The following IRAK3 variants were observed in gnomAD, a reference collection of about 807,000 sequenced individuals.
IRAK3 encodes the protein interleukin 1 receptor associated kinase 3.
In IRAK3, 57 loss-of-function variants were observed where a neutral mutation model predicts 56.6. That is an observed-to-expected ratio of 1.01 (90% CI 0.81 to 1.26). The LOEUF is 1.26. Ranked by LOEUF, IRAK3 falls within the 50% of genes most tolerant of loss-of-function variation. The pLI is 0.00. For missense variants in IRAK3, 703 were observed against 719.0 expected (o/e 0.98, Z 0.25); for synonymous variants, 258 against 255.7 (o/e 1.01, Z -0.09).
chr12:66,234,121 G>T, intron 8 of IRAK3: 1 of 1,614,106 alleles, frequency 6.2e-7, no homozygotes, highest in Non-Finnish European at 8.5e-7. Context: ...TAGACGTCTC[G>T]ACAGCCACCT....
chr12:66,195,281 G>C (rs1482010552), intron 1 of IRAK3, among the ~76,000 whole-genome samples: 1 of 152,118 alleles, frequency 6.6e-6, no homozygotes, highest in Non-Finnish European at 1.5e-5. Context: ...AACCATCTTG[G>C]CACCAACCAC....
intron 8 of IRAK3, among the ~76,000 whole-genome samples, chr12:66,235,456 C>T (rs533274653): frequency 1.4e-3 from 219 of 151,608 alleles, no homozygotes; most frequent in Admixed American, 6.2e-3. Flanking sequence ...CAGCTCCGCG[C>T]TGACTTCCCC....
intron 1 of IRAK3, among the ~76,000 whole-genome samples, chr12:66,201,914 A>G (rs1210892922): frequency 6.6e-6 from 1 of 152,196 alleles, no homozygotes; most frequent in African/African-American, 2.4e-5. Context: ...GAAGAAAAGA[A>G]TTAATCTAAG....
At chr12:66,221,359 A>G (rs1592590665) in intron 6 of IRAK3, among the ~76,000 whole-genome samples, 1 of 152,082 alleles carries the variant, frequency 6.6e-6, no homozygotes, top group East Asian at 1.9e-4. Context: ...TTTCTTTTTT[A>G]TTGCCTAATT....
At chr12:66,225,246 C>T (rs569969175) in intron 6 of IRAK3, among the ~76,000 whole-genome samples, 2 of 152,230 alleles carry the variant, frequency 1.3e-5, no homozygotes, top group African/African-American at 2.4e-5. Flanking sequence ...AATACACTAC[C>T]TCAATTTCCT....
intron 2 of IRAK3, among the ~76,000 whole-genome samples, chr12:66,204,778 G>GCGCGCGCGCACACACACA (rs1026097833): frequency 1.4e-5 from 2 of 147,922 alleles, no homozygotes; most frequent in Admixed American, 6.8e-5. Context: ...GAGCCCTTGC[G>GCGCGCGCGCACACACACA]CACACACACA....
intron 3 of IRAK3, 62 bp downstream of exon 3, chr12:66,209,582 G>A (rs1359853422): frequency 1.0e-5 from 11 of 1,050,902 alleles, no homozygotes; most frequent in Non-Finnish European, 1.6e-5. Flanking sequence ...TTGAGCATAA[G>A]GAATGAAATT....
At position 66,210,157 on chromosome 12, in the gene IRAK3, A is replaced by G. The variant is rs757713644; in HGVS notation, c.392A>G (p.Asn131Ser). The G allele has an allele frequency of 1.9e-5, 31 of 1,597,472 alleles. No homozygotes were observed. The highest frequency in any genetic ancestry group is 9.9e-5 in the South Asian group (9 of 90,700). ...FPNILFKETA[N>S]VTVDNVLIPE... ...TATTTCTTCTCTTAGGAAACAGCCA[A>G]TGTCACCGTGGATAATGTTCTTATT... The change falls in exon 4 of 12, where the codon AAT becomes AGT. Residue 131 changes from asparagine to serine, a missense_variant. Transcript: ENST00000261233.
chr12:66,228,151 C>T (rs1430776416), intron 7 of IRAK3, 101 bp from the exon 8 acceptor site: 7 of 884,816 alleles, frequency 7.9e-6, no homozygotes, highest in African/African-American at 1.6e-5. Context: ...CCTCACCCCA[C>T]CTTGCTATCT....
intron 5 of IRAK3, among the ~76,000 whole-genome samples, chr12:66,213,011 C>A (rs1242119737): frequency 6.6e-6 from 1 of 151,352 alleles, no homozygotes; most frequent in East Asian, 1.9e-4. Flanking sequence ...AACAAACCTG[C>A]ATGTTCAGCA....
chr12:66,239,103 T>C (rs1286285463), intron 8 of IRAK3, among the ~76,000 whole-genome samples: 2 of 152,216 alleles, frequency 1.3e-5, no homozygotes, highest in Non-Finnish European at 2.9e-5. Flanking sequence ...CTTAGCATTT[T>C]CCATCCCAGA....
chr12:66,219,332 C>T (rs1405951745), intron 6 of IRAK3, among the ~76,000 whole-genome samples: 1 of 152,082 alleles, frequency 6.6e-6, no homozygotes, highest in Non-Finnish European at 1.5e-5. Flanking sequence ...GGCAGTTTCT[C>T]CCATACTGTT....
intron 3 of IRAK3, 139 bp from the exon 4 acceptor site, chr12:66,210,008 A>C (rs113885340): frequency 3.2e-6 from 2 of 620,968 alleles, no homozygotes; most frequent in Non-Finnish European, 5.8e-6. Context: ...AATAACTTTG[A>C]TTTCTGCTAG....
chr12:66,215,788 A>ACGTGCGCGTGCG (rs375264640), intron 5 of IRAK3, among the ~76,000 whole-genome samples: 1 of 131,612 alleles, frequency 7.6e-6, no homozygotes, highest in African/African-American at 2.8e-5. Flanking sequence ...CCCAACATGC[A>ACGTGCGCGTGCG]CACACACACA....
chr12:66,235,353 G>A (rs1020284543), intron 8 of IRAK3: 4 of 1,041,650 alleles, frequency 3.8e-6, no homozygotes, highest in African/African-American at 3.4e-5. Flanking sequence ...CTCGCCGCGA[G>A]GGGGAGGACG....
chr12:66,190,956 G>A (rs1426105950), intron 1 of IRAK3, among the ~76,000 whole-genome samples: 1 of 152,204 alleles, frequency 6.6e-6, no homozygotes, highest in African/African-American at 2.4e-5. Context: ...ACAATTCAGT[G>A]ATCCATTTCA....
At chr12:66,206,936 T>C (rs2052564009) in intron 2 of IRAK3, among the ~76,000 whole-genome samples, 1 of 152,194 alleles carries the variant, frequency 6.6e-6, no homozygotes, top group Non-Finnish European at 1.5e-5. Flanking sequence ...TTTCAATAGT[T>C]TGTGTCTTCC....
chr12:66,207,197 G>A lies in IRAK3; in HGVS notation c.317-2259G>A, dbSNP rs146779577. 8.0e-3 allele frequency among the ~76,000 whole-genome samples: 1,225 copies of A among 152,208 alleles called. 26 individuals are homozygous for A. The highest frequency in any genetic ancestry group is 0.027 in the African/African-American group (1,134 of 41,556). On this transcript the variant is annotated intron_variant, in intron 2 of 11. Coordinates refer to ENST00000261233, the MANE Select transcript of IRAK3 (RefSeq NM_007199.3). ...AAAAAATCTTCTATTTCGGCCAGGC[G>A]AGGTAGCTCAAGCCTGTAATCCTGG...
intron 5 of IRAK3, among the ~76,000 whole-genome samples, chr12:66,212,882 G>A (rs981178316): frequency 6.6e-6 from 1 of 152,056 alleles, no homozygotes. Flanking sequence ...GGCCTGTTGG[G>A]GGGTTGGGGG....
Sources: gnomAD v4.1 joint callset for allele counts (sites outside exome capture counted in the v4.1 genomes callset) on GRCh38, gnomAD v4.1.1 for gene constraint, MANE v1.5 for transcripts, NCBI Gene and HGNC (gene_info 2026-07-23, HGNC 2026-07-21) for gene names.